The following EPHA6 variants were observed in gnomAD, a reference collection of about 807,000 sequenced individuals.
EPHA6 encodes the protein ephrin type-A receptor 6.
Under a neutral mutation model 112.0 loss-of-function variants are expected in EPHA6, and 50 were observed. The ratio of observed to expected loss-of-function variants is 0.45; its 90% CI spans 0.36 to 0.56. The LOEUF is 0.56. Ranked by LOEUF, EPHA6 falls within the 20% of genes least tolerant of loss-of-function variation. The probability of loss-of-function intolerance (pLI) is 0.00; values close to 1 mark genes in which losing one functional copy is unlikely to be tolerated. For synonymous variants in EPHA6, 529 were observed against 490.7 expected, an observed-to-expected ratio of 1.08 and a Z score of -1.03; for missense variants, 1,280 against 1,417.4, an observed-to-expected ratio of 0.90 and a Z score of 1.56.
chr3:97,664,178 G>A (rs1397040311), intron 14 of EPHA6, among the ~76,000 whole-genome samples: 1 of 152,056 alleles, frequency 6.6e-6, no homozygotes, highest in Non-Finnish European at 1.5e-5. Flanking sequence ...TTTTTGATGG[G>A]GTTGTTTGTT....
chr3:96,928,381 G>A (rs981078103), intron 2 of EPHA6, among the ~76,000 whole-genome samples: 7 of 152,144 alleles, frequency 4.6e-5, no homozygotes, highest in South Asian at 2.1e-4. Flanking sequence ...CATTATTTAC[G>A]CGAAAGTCAT....
intron 7 of EPHA6, among the ~76,000 whole-genome samples, chr3:97,458,047 G>T (rs564709355): frequency 2.7e-5 from 3 of 110,684 alleles, no homozygotes; most frequent in Admixed American, 1.4e-4. Flanking sequence ...CAGCCTGGGC[G>T]ACAGTGCGAG....
At chr3:96,902,989 A>G (rs2038702358) in intron 2 of EPHA6, among the ~76,000 whole-genome samples, 1 of 152,220 alleles carries the variant, frequency 6.6e-6, no homozygotes, top group African/African-American at 2.4e-5. Flanking sequence ...AATCACATAT[A>G]TAAATAACTG....
intron 3 of EPHA6, among the ~76,000 whole-genome samples, chr3:97,057,344 T>C (rs1003854329): frequency 6.6e-6 from 1 of 152,252 alleles, no homozygotes; most frequent in Non-Finnish European, 1.5e-5. Flanking sequence ...GGCTTACTCA[T>C]GTAGCTGCAT....
chr3:97,372,744 C>T (rs2085132095), intron 5 of EPHA6, among the ~76,000 whole-genome samples: 1 of 152,172 alleles, frequency 6.6e-6, no homozygotes. Context: ...CAATGCTAAA[C>T]TACATAATAC....
chr3:97,509,589 C>A lies in EPHA6; in HGVS notation c.2201-22769C>A, dbSNP rs375474377. Among the ~76,000 whole-genome samples, 92 of 152,202 alleles carry A rather than the reference C, an allele frequency of 6.0e-4. 2 individuals carry two copies. In the South Asian group the frequency reaches 0.019, roughly 31 times the overall value. On this transcript the variant is annotated intron_variant, in intron 10 of 17. Transcript: ENST00000389672. ...CTGATGGGCTTCCCTTTGTGGGTAG[C>A]CCGACCTTTCTCTCTGGCTGCCCTT...
intron 4 of EPHA6, among the ~76,000 whole-genome samples, chr3:97,242,931 G>A (rs1251296825): frequency 6.6e-6 from 1 of 151,710 alleles, no homozygotes; most frequent in Non-Finnish European, 1.5e-5. Flanking sequence ...TACGGATTCT[G>A]TGGTTTTTCA....
At chr3:97,654,961 A>C (rs1180838695) in intron 14 of EPHA6, among the ~76,000 whole-genome samples, 1 of 151,698 alleles carries the variant, frequency 6.6e-6, no homozygotes. Context: ...GATAGCAAAG[A>C]GATCCATTTG....
intron 2 of EPHA6, among the ~76,000 whole-genome samples, chr3:96,986,486 T>C (rs1413578438): frequency 6.6e-6 from 1 of 152,170 alleles, no homozygotes; most frequent in East Asian, 1.9e-4. Context: ...TTGTATTTAC[T>C]GCTTCCTCTT....
At chr3:97,316,426 G>A (rs1048419863) in intron 5 of EPHA6, among the ~76,000 whole-genome samples, 2 of 151,858 alleles carry the variant, frequency 1.3e-5, no homozygotes, top group African/African-American at 2.4e-5. Flanking sequence ...GAAATAAATA[G>A]TGTTCCACAT....
chr3:97,583,353 C>CA (rs2093457244), intron 11 of EPHA6, among the ~76,000 whole-genome samples: 1 of 151,756 alleles, frequency 6.6e-6, no homozygotes. Context: ...TCCTGGCTAA[C>CA]ACGGTGAAAC....
chr3:97,747,459 T>C lies in EPHA6; in HGVS notation c.3165T>C (p.Pro1055=). ...PESPGEVPEY[P]LFVTVGDWLD... ...CCCCTGGTGAAGTTCCGGAATATCC[T>C]TTGTTTGTCACAGTTGGTGACTGGC... The change falls in exon 17 of 18, where the codon CCT becomes CCC. Residue 1055 remains proline (P), a synonymous_variant. Transcript: ENST00000389672. The C allele has an allele frequency of 6.3e-7, 1 of 1,596,840 alleles. No individual in the cohort carries two copies. The highest frequency in any genetic ancestry group is 8.5e-7 in the Non-Finnish European group (1 of 1,171,108).
chr3:97,540,605 C>A (rs1330843324), intron 11 of EPHA6, among the ~76,000 whole-genome samples: 3 of 152,166 alleles, frequency 2.0e-5, no homozygotes, highest in Admixed American at 6.5e-5. Flanking sequence ...CTGTGGTTTT[C>A]TCCTGCCCCT....
intron 3 of EPHA6, among the ~76,000 whole-genome samples, chr3:97,075,705 ATT>A (rs58181240): frequency 1.5e-4 from 22 of 144,008 alleles, no homozygotes; most frequent in African/African-American, 4.0e-4. Flanking sequence ...CGGATACTGC[ATT>A]TTTTTTTTTT....
chr3:97,667,286 G>T (rs934652107), intron 14 of EPHA6, among the ~76,000 whole-genome samples: 5 of 152,102 alleles, frequency 3.3e-5, no homozygotes, highest in African/African-American at 9.7e-5. Flanking sequence ...TATTAACATT[G>T]TCTAATAAAT....
intron 4 of EPHA6, among the ~76,000 whole-genome samples, chr3:97,229,619 A>G (rs1006129398): frequency 1.3e-5 from 2 of 152,118 alleles, no homozygotes; most frequent in Admixed American, 1.3e-4. Flanking sequence ...TAGAAGCAAA[A>G]CTAGACTTAT....
chr3:97,251,088 G>A (rs2078733010), intron 5 of EPHA6, among the ~76,000 whole-genome samples: 1 of 151,822 alleles, frequency 6.6e-6, no homozygotes, highest in Non-Finnish European at 1.5e-5. Context: ...GGCTGATCTT[G>A]AACTCCCGAC....
chr3:97,444,840 T>C (rs2090274758), intron 6 of EPHA6, among the ~76,000 whole-genome samples: 1 of 152,112 alleles, frequency 6.6e-6, no homozygotes, highest in Non-Finnish European at 1.5e-5. Context: ...CCATGAAAAG[T>C]TGACACCTAT....
At chr3:97,156,119 C>T (rs570330734) in intron 3 of EPHA6, among the ~76,000 whole-genome samples, 4 of 152,102 alleles carry the variant, frequency 2.6e-5, no homozygotes, top group African/African-American at 9.7e-5. Flanking sequence ...ATTTTATCAG[C>T]TCTGTAAATG....
Sources: gnomAD v4.1 joint callset for allele counts (sites outside exome capture counted in the v4.1 genomes callset) on GRCh38, gnomAD v4.1.1 for gene constraint, MANE v1.5 for transcripts, NCBI Gene and HGNC (gene_info 2026-07-23, HGNC 2026-07-21) for gene names.